Variants in INPP4B observed in about 807,000 individuals in gnomAD.
The protein encoded by INPP4B is inositol polyphosphate 4-phosphatase type II.
A neutral mutation model predicts 122.5 loss-of-function variants in INPP4B; 55 were observed. That is an observed-to-expected ratio of 0.45 (90% CI 0.36 to 0.56). The LOEUF is 0.56. Ranked by LOEUF, INPP4B falls within the 20% of genes least tolerant of loss-of-function variation. The pLI is 0.00. For synonymous variants in INPP4B, 403 were observed against 388.7 expected, an observed-to-expected ratio of 1.04 and a Z score of -0.43; for missense variants, 1,000 against 1,097.7, an observed-to-expected ratio of 0.91 and a Z score of 1.26.
chr4:142,389,667 T>C (rs1434733857), intron 7 of INPP4B, among the ~76,000 whole-genome samples: 6 of 152,188 alleles, frequency 3.9e-5, no homozygotes, highest in African/African-American at 1.4e-4. Context: ...CATCCCAAAC[T>C]ATACTGGAAA....
intron 5 of INPP4B, among the ~76,000 whole-genome samples, chr4:142,422,972 T>C (rs1449354365): frequency 6.6e-6 from 1 of 151,868 alleles, no homozygotes; most frequent in East Asian, 1.9e-4. Context: ...GAAGTAAGAG[T>C]TTTATCAATA....
At chr4:142,498,824 G>T (rs1218529409) in intron 2 of INPP4B, among the ~76,000 whole-genome samples, 1 of 151,902 alleles carries the variant, frequency 6.6e-6, no homozygotes, top group Admixed American at 6.6e-5. Context: ...TCTTATACTG[G>T]CAATTAAAAA....
At chr4:142,083,969 T>TA (rs1329152519) in intron 24 of INPP4B, among the ~76,000 whole-genome samples, 7 of 152,134 alleles carry the variant, frequency 4.6e-5, no homozygotes, top group Admixed American at 2.0e-4. Flanking sequence ...CTAGTGGAGG[T>TA]AAGGGCACTT....
chr4:142,784,749 G>GTTTT (rs1775481996), intron 1 of INPP4B, among the ~76,000 whole-genome samples: 1 of 151,882 alleles, frequency 6.6e-6, no homozygotes, highest in African/African-American at 2.4e-5. Flanking sequence ...TTGTTTGTTT[G>GTTTT]TTTCAGAGAA....
At chr4:142,210,160 G>C (rs941036281) in intron 12 of INPP4B, among the ~76,000 whole-genome samples, 6 of 152,068 alleles carry the variant, frequency 3.9e-5, no homozygotes, top group African/African-American at 7.2e-5. Flanking sequence ...TGCTATTTTG[G>C]CCATGAAACA....
chr4:142,297,190 G>T (rs962606860), intron 9 of INPP4B, among the ~76,000 whole-genome samples: 4 of 152,168 alleles, frequency 2.6e-5, no homozygotes, highest in African/African-American at 9.7e-5. Flanking sequence ...CAACCAAATT[G>T]CTGTCCATAT....
At position 142,296,723 on chromosome 4, in the gene INPP4B, T is replaced by A. The variant is rs1236580788; in HGVS notation, c.503+8735A>T. ...GCCAGGATTTGGGCACAGATATGTC[T>A]CTAAATCATCTGCTCTTTCTACCTC... On this transcript the variant is annotated intron_variant, in intron 9 of 25. Transcript: ENST00000262992. 2.0e-5 allele frequency among the ~76,000 whole-genome samples: 3 copies of A among 152,212 alleles called. 1 individual carries two copies. Among genetic ancestry groups the A allele is most frequent in the Admixed American group, 6.5e-5 (1 of 15,286 alleles).
intron 25 of INPP4B, among the ~76,000 whole-genome samples, chr4:142,057,724 G>C (rs1560966809): frequency 6.6e-6 from 1 of 152,046 alleles, no homozygotes; most frequent in Non-Finnish European, 1.5e-5. Flanking sequence ...ATCAAAATTT[G>C]CTTTTTTACT....
intron 25 of INPP4B, among the ~76,000 whole-genome samples, chr4:142,078,120 T>A (rs1046836697): frequency 2.6e-5 from 4 of 151,766 alleles, no homozygotes; most frequent in Non-Finnish European, 5.9e-5. Flanking sequence ...TGCCATTTCA[T>A]CAAACAGATG....
At chr4:142,751,324 T>G (rs2150949828) in intron 1 of INPP4B, among the ~76,000 whole-genome samples, 1 of 149,986 alleles carries the variant, frequency 6.7e-6, no homozygotes, top group South Asian at 2.1e-4. Context: ...TGACGACAAT[T>G]GACCTCAAGT....
Position 142,082,242 on chromosome 4 carries a change from G to A in INPP4B, c.2488-57C>T, listed in dbSNP as rs575678885. ...TTCATTTGTAATACCGTAAAGTGTC[G>A]GCCTCCTCCAAACACTTCTAGTCTA... On this transcript the variant is annotated intron_variant, in intron 24 of 25. Coordinates refer to ENST00000262992, the MANE Select transcript of INPP4B (RefSeq NM_001101669.3). 2.4e-5 allele frequency: 34 copies of A among 1,393,882 alleles called. No individual in the cohort carries two copies. In the East Asian group the frequency reaches 2.8e-4, roughly 12 times the overall value. The allele number at this position is 1,393,882 out of a possible 1,614,324, so 86.3% of individuals were successfully genotyped here. A position where few individuals can be genotyped will look rare whatever the true frequency, so the allele number is the denominator to read the frequency against.
rs1038363628 is a variant in INPP4B at position 142,023,785 on chromosome 4, T to C, written c.*4997A>G. The C allele has an allele frequency of 5.9e-5, 9 of 152,186 alleles. No individual in the cohort carries two copies. The highest frequency in any genetic ancestry group is 5.9e-4 in the Admixed American group (9 of 15,268). The allele number at this position is 152,186 out of a possible 1,614,324, so 9.4% of individuals were successfully genotyped here. Reference sequence around the variant, plus strand: ...CTAAAATATATTTTTTTTGGCAAGATGTGATTTATCAGGCAACATCACTTG... The same window carrying C: ...CTAAAATATATTTTTTTTGGCAAGACGTGATTTATCAGGCAACATCACTTG... On this transcript the variant is annotated 3_prime_UTR_variant, in exon 26 of 26. Transcript: ENST00000262992.
chr4:142,689,730 T>C (rs1312608745), intron 2 of INPP4B, among the ~76,000 whole-genome samples: 7 of 152,198 alleles, frequency 4.6e-5, no homozygotes, highest in African/African-American at 1.7e-4. Flanking sequence ...TACTTCCTTT[T>C]CTAAAGCATT....
At chr4:142,574,754 T>C (rs1733499800) in intron 2 of INPP4B, among the ~76,000 whole-genome samples, 1 of 152,130 alleles carries the variant, frequency 6.6e-6, no homozygotes, top group Non-Finnish European at 1.5e-5. Context: ...GCATGCTTCT[T>C]ATACAGCACT....
At chr4:142,417,579 G>T (rs1806033628) in intron 5 of INPP4B, among the ~76,000 whole-genome samples, 1 of 152,030 alleles carries the variant, frequency 6.6e-6, no homozygotes, top group African/African-American at 2.4e-5. Flanking sequence ...TTGCAAAATA[G>T]GAATTATTAT....
intron 2 of INPP4B, among the ~76,000 whole-genome samples, chr4:142,476,540 A>C (rs1267909107): frequency 2.0e-5 from 3 of 152,212 alleles, no homozygotes; most frequent in African/African-American, 7.2e-5. Context: ...ATACAGAAAC[A>C]AGACCCAACT....
At chr4:142,043,280 T>A (rs1430519401) in intron 25 of INPP4B, among the ~76,000 whole-genome samples, 1 of 152,224 alleles carries the variant, frequency 6.6e-6, no homozygotes. Flanking sequence ...TTTAAGAATC[T>A]TAAGGTTTAG....
rs79437099 is a variant in INPP4B at position 142,430,213 on chromosome 4, C to G, written c.91+956G>C. ...TTTATTATTTATTTTTGCACAGTAA[C>G]TATATTTTTTCTCCTGCTGACATTT... On this transcript the variant is annotated intron_variant, in intron 4 of 25. Coordinates refer to ENST00000262992, the MANE Select transcript of INPP4B (RefSeq NM_001101669.3). Among the ~76,000 whole-genome samples, 1,271 of 152,124 alleles carry G rather than the reference C, an allele frequency of 8.4e-3. 10 individuals are homozygous for G. Among genetic ancestry groups the G allele is most frequent in the Non-Finnish European group, 0.012 (849 of 67,966 alleles).
intron 9 of INPP4B, among the ~76,000 whole-genome samples, chr4:142,280,929 T>C (rs192356656): frequency 1.8e-4 from 27 of 152,004 alleles, no homozygotes; most frequent in African/African-American, 5.8e-4. Context: ...AAGGAAGAAA[T>C]TTCACCTGAA....
Sources: allele counts gnomAD v4.1 joint callset (sites outside exome capture counted in the v4.1 genomes callset), GRCh38; gene constraint gnomAD v4.1.1; transcripts MANE v1.5; gene names NCBI Gene and HGNC (gene_info 2026-07-23, HGNC 2026-07-21).